Variants in NEDD4L observed in about 807,000 individuals in gnomAD.
NEDD4L encodes the protein E3 ubiquitin-protein ligase NEDD4-like.
NEDD4L carries 54 observed loss-of-function variants against 148.9 expected under a neutral mutation model. The ratio of observed to expected loss-of-function variants is 0.36; its 90% CI spans 0.29 to 0.45. The LOEUF (loss-of-function observed/expected upper bound fraction) is 0.45. NEDD4L is among the 20% of genes least tolerant of loss of function. The pLI is 1.00. For synonymous variants in NEDD4L, 433 were observed against 440.7 expected (o/e 0.98, Z 0.22); for missense variants, 856 against 1,233.8 (o/e 0.69, Z 4.59).
At chr18:58,389,509 C>G (rs1465254686) in intron 28 of NEDD4L, 1 of 225,378 alleles carries the variant, frequency 4.4e-6, no homozygotes, top group Non-Finnish European at 8.6e-6. Flanking sequence ...GGGGGCTTCT[C>G]AGGGCAGAAA....
intron 9 of NEDD4L, among the ~76,000 whole-genome samples, chr18:58,326,763 TAA>T (rs1387496899): frequency 6.6e-6 from 1 of 152,196 alleles, no homozygotes; most frequent in Non-Finnish European, 1.5e-5. Flanking sequence ...ACTTCATAAA[TAA>T]GGATCATGCA....
intron 2 of NEDD4L, among the ~76,000 whole-genome samples, chr18:58,198,297 T>G (rs957876552): frequency 6.6e-6 from 1 of 152,204 alleles, no homozygotes; most frequent in East Asian, 1.9e-4. Flanking sequence ...GCCTATCAGA[T>G]TTCCCTTGAG....
chr18:58,242,431 G>C (rs1457790818), intron 2 of NEDD4L, among the ~76,000 whole-genome samples: 2 of 152,156 alleles, frequency 1.3e-5, no homozygotes, highest in African/African-American at 4.8e-5. Context: ...AGTACCAGCT[G>C]AAAGGGAGGA....
intron 1 of NEDD4L, among the ~76,000 whole-genome samples, chr18:58,157,535 CTTGA>C (rs1776517035): frequency 1.3e-5 from 2 of 152,118 alleles, no homozygotes; most frequent in Admixed American, 6.5e-5. Context: ...CTCAGCATCT[CTTGA>C]TTGTCATTCT....
At chr18:58,147,938 G>C (rs1182648837) in intron 1 of NEDD4L, among the ~76,000 whole-genome samples, 1 of 152,096 alleles carries the variant, frequency 6.6e-6, no homozygotes, top group Non-Finnish European at 1.5e-5. Flanking sequence ...TCTGTGCTCT[G>C]GCTCTGCAAT....
At chr18:58,152,092 T>C (rs2034847644) in intron 1 of NEDD4L, among the ~76,000 whole-genome samples, 1 of 144,000 alleles carries the variant, frequency 6.9e-6, no homozygotes, top group Admixed American at 6.9e-5. Context: ...GCATTACTCA[T>C]GTTCTTCAGA....
chr18:58,301,526 A>G (rs1208018718), intron 5 of NEDD4L, among the ~76,000 whole-genome samples: 1 of 152,188 alleles, frequency 6.6e-6, no homozygotes, highest in Non-Finnish European at 1.5e-5. Flanking sequence ...TTCAGACCTT[A>G]TGCTAGTTTT....
chr18:58,392,050 C>T (rs920950444), intron 30 of NEDD4L, among the ~76,000 whole-genome samples: 3 of 152,366 alleles, frequency 2.0e-5, no homozygotes, highest in East Asian at 1.9e-4. Flanking sequence ...AGGGCTGACA[C>T]GTGGCCAGGG....
At position 58,322,430 on chromosome 18, in the gene NEDD4L, A is replaced by G; in HGVS notation, c.354A>G (p.Glu118=). ...TTACTGTTTTTTCCCCACAGACAGA[A>G]GATCCAACCATGGAGCGACCCTATA... ...VDVPLSHLPT[E]DPTMERPYTF... is the part of the protein sequence containing the mutation. The change falls in exon 7 of 31, where the codon GAA becomes GAG. Residue 118 remains glutamate (E), a synonymous_variant. Coordinates refer to ENST00000400345, the MANE Select transcript of NEDD4L (RefSeq NM_001144967.3). 2 of 1,601,860 alleles carry G rather than the reference A, an allele frequency of 1.2e-6. No homozygotes were observed. The highest frequency in any genetic ancestry group is 4.5e-5 in the East Asian group (2 of 44,368).
intron 30 of NEDD4L, among the ~76,000 whole-genome samples, chr18:58,395,406 G>C (rs556917105): frequency 6.6e-6 from 1 of 152,132 alleles, no homozygotes; most frequent in Non-Finnish European, 1.5e-5. Context: ...GCACTCATAT[G>C]TGCAGTTTCC....
chr18:58,081,453 G>A (rs927122687), intron 1 of NEDD4L, among the ~76,000 whole-genome samples: 3 of 151,894 alleles, frequency 2.0e-5, no homozygotes, highest in Non-Finnish European at 4.4e-5. Flanking sequence ...CTGACCTCCT[G>A]ATCCACCCGC....
At chr18:58,215,371 C>T (rs1247041438) in intron 2 of NEDD4L, among the ~76,000 whole-genome samples, 1 of 152,118 alleles carries the variant, frequency 6.6e-6, no homozygotes, top group African/African-American at 2.4e-5. Flanking sequence ...TGTCTTCAGT[C>T]AGTGATGCCA....
intron 2 of NEDD4L, among the ~76,000 whole-genome samples, chr18:58,176,141 C>G (rs1269999283): frequency 6.8e-6 from 1 of 147,674 alleles, no homozygotes. Context: ...TTTTTTCTCT[C>G]TCCCACTCCA....
chr18:58,341,245 T>A (rs983759031), intron 14 of NEDD4L, 76 bp downstream of exon 14: 5 of 1,509,838 alleles, frequency 3.3e-6, no homozygotes, highest in Non-Finnish European at 4.5e-6. Context: ...CCTTTCCTGG[T>A]GTTTATGTAT....
At chr18:58,270,188 GTGT>G (rs1236571570) in intron 5 of NEDD4L, among the ~76,000 whole-genome samples, 1 of 152,206 alleles carries the variant, frequency 6.6e-6, no homozygotes, top group Non-Finnish European at 1.5e-5. Context: ...CGTCTTGAAA[GTGT>G]TGGCCAGTTG....
At chr18:58,130,893 G>T (rs901143720) in intron 1 of NEDD4L, among the ~76,000 whole-genome samples, 2 of 138,124 alleles carry the variant, frequency 1.4e-5, no homozygotes, top group Admixed American at 7.5e-5. Context: ...GCTCTGTTGG[G>T]GTTTGGTTGT....
In NEDD4L at chr18:58,275,033, T is replaced by C. The variant is rs182617760; in HGVS notation, c.297+22979T>C. ...GTTAACCCTTGAACAAAGTGGAGGT[T>C]GGGGTGTCAGCATCTTAACACATAG... is the stretch of plus-strand genomic sequence containing the variant. On this transcript the variant is annotated intron_variant, in intron 5 of 30. Coordinates refer to ENST00000400345, the MANE Select transcript of NEDD4L (RefSeq NM_001144967.3). Among the ~76,000 whole-genome samples, 61 of 152,330 alleles carry C rather than the reference T, an allele frequency of 4.0e-4. No homozygotes were observed. In the East Asian group the frequency reaches 0.011, roughly 27 times the overall value.
chr18:58,069,648 G>A (rs1244436235), intron 1 of NEDD4L, among the ~76,000 whole-genome samples: 1 of 152,142 alleles, frequency 6.6e-6, no homozygotes, highest in East Asian at 1.9e-4. Context: ...TAAAATAATG[G>A]TAAATATCCC....
chr18:58,054,900 G>A (rs909988329), intron 1 of NEDD4L: 1 of 152,110 alleles, frequency 6.6e-6, no homozygotes, highest in African/African-American at 2.4e-5. Flanking sequence ...CTTTGGAATT[G>A]ATACCTTAAT....
Sources: allele counts gnomAD v4.1 joint callset (sites outside exome capture counted in the v4.1 genomes callset), GRCh38; gene constraint gnomAD v4.1.1; transcripts MANE v1.5; gene names NCBI Gene and HGNC (gene_info 2026-07-23, HGNC 2026-07-21).